Variants in PHACTR1 observed in about 807,000 individuals in gnomAD.
PHACTR1 encodes the protein RPEL repeat containing 1.
In PHACTR1, 16 loss-of-function variants were observed where a neutral mutation model predicts 69.2. The observed-to-expected ratio is 0.23, with a 90% CI of 0.16 to 0.35. The LOEUF is 0.35. PHACTR1 is among the 10% of genes least tolerant of loss of function. PHACTR1 has a pLI of 1.00. For synonymous variants in PHACTR1, 312 were observed against 284.5 expected, an observed-to-expected ratio of 1.10 and a Z score of -0.97; for missense variants, 510 against 734.7, an observed-to-expected ratio of 0.69 and a Z score of 3.54.
Position 12,798,068 on chromosome 6 carries a change from A to ACACACACACACACC in PHACTR1, c.250+48279_250+48280insACACACACACACCC, listed in dbSNP as rs758442149. Among the ~76,000 whole-genome samples, 438 of 149,994 alleles carry ACACACACACACACC rather than the reference A, an allele frequency of 2.9e-3. 4 individuals carry two copies. Among genetic ancestry groups the ACACACACACACACC allele is most frequent in the South Asian group, 4.5e-3 (21 of 4,670 alleles). The stretch of plus-strand genomic sequence containing the variant: ...CACACACACACACACACACACACAC[A>ACACACACACACACC]CCCCTACATAAGCTCTATAAGGGGA... On this transcript the variant is annotated intron_variant, in intron 4 of 14. Transcript: ENST00000332995.
chr6:12,844,952 C>A (rs143028699), intron 4 of PHACTR1, among the ~76,000 whole-genome samples: 35 of 152,178 alleles, frequency 2.3e-4, no homozygotes, highest in African/African-American at 7.9e-4. Context: ...AACATAAATG[C>A]TTGAGCAGCA....
chr6:12,791,526 C>T (rs748535715), intron 4 of PHACTR1, among the ~76,000 whole-genome samples: 15 of 152,196 alleles, frequency 9.9e-5, no homozygotes, highest in Non-Finnish European at 2.1e-4. Flanking sequence ...GATGCACACT[C>T]ACTAACCCTA....
chr6:12,871,940 G>A (rs1782069877), intron 4 of PHACTR1, among the ~76,000 whole-genome samples: 1 of 139,452 alleles, frequency 7.2e-6, no homozygotes, highest in South Asian at 2.8e-4. Flanking sequence ...TGAAAGAGAG[G>A]ACATGTGATG....
At chr6:13,247,299 T>G (rs1773698109) in intron 10 of PHACTR1, among the ~76,000 whole-genome samples, 2 of 151,576 alleles carry the variant, frequency 1.3e-5, no homozygotes, top group African/African-American at 4.9e-5. Flanking sequence ...TTTGCTAATC[T>G]TCACATTGTA....
At chr6:13,055,912 A>G (rs1806709646) in intron 5 of PHACTR1, among the ~76,000 whole-genome samples, 1 of 152,272 alleles carries the variant, frequency 6.6e-6, no homozygotes, top group Non-Finnish European at 1.5e-5. Flanking sequence ...CATTCTTGTC[A>G]TTAATGATCA....
chr6:13,219,671 C>A (rs372915133), intron 8 of PHACTR1, among the ~76,000 whole-genome samples: 2 of 152,310 alleles, frequency 1.3e-5, no homozygotes, highest in East Asian at 3.9e-4. Flanking sequence ...AGAATTCAAA[C>A]CCCCTCCCTG....
chr6:12,836,307 A>T (rs1778154326), intron 4 of PHACTR1, among the ~76,000 whole-genome samples: 1 of 152,278 alleles, frequency 6.6e-6, no homozygotes, highest in South Asian at 2.1e-4. Context: ...CAAATGATGG[A>T]ATAAGATTTT....
chr6:12,889,771 T>C (rs918312115), intron 4 of PHACTR1, among the ~76,000 whole-genome samples: 3 of 150,852 alleles, frequency 2.0e-5, no homozygotes, highest in African/African-American at 7.3e-5. Context: ...TTCCTCTTCT[T>C]CTCCTCCTCC....
At chr6:13,137,558 T>C (rs1037536872) in intron 5 of PHACTR1, among the ~76,000 whole-genome samples, 1 of 152,244 alleles carries the variant, frequency 6.6e-6, no homozygotes. Context: ...CTCTGTTATC[T>C]AAAATAAAGA....
At position 12,845,432 on chromosome 6, in the gene PHACTR1, C is replaced by CCA. The variant is rs1191940829; in HGVS notation, c.250+95643_250+95644insAC. Among the ~76,000 whole-genome samples the CCA allele has an allele frequency of 1.2e-3, 57 of 48,434 alleles. 1 individual carries two copies. The highest frequency in any genetic ancestry group is 3.3e-3 in the African/African-American group (49 of 14,902). The allele number at this position is 48,434 out of a possible 152,430, so 31.8% of individuals were successfully genotyped here. Reference sequence around the variant, plus strand: ...GATGTCATTGTGAACACCACCCACCCCCCCCCCCCCCGCCCTCCGTGCTGG... The same window carrying CCA: ...GATGTCATTGTGAACACCACCCACCCCACCCCCCCCCCCGCCCTCCGTGCTGG... On this transcript the variant is annotated intron_variant, in intron 4 of 14. Transcript: ENST00000332995.
At chr6:12,833,170 G>A (rs1353850728) in intron 4 of PHACTR1, among the ~76,000 whole-genome samples, 1 of 151,922 alleles carries the variant, frequency 6.6e-6, no homozygotes, top group African/African-American at 2.4e-5. Flanking sequence ...TGCTACTTGG[G>A]TTTTGGCTTC....
intron 4 of PHACTR1, among the ~76,000 whole-genome samples, chr6:12,785,481 T>C (rs1049922051): frequency 2.6e-5 from 4 of 152,176 alleles, no homozygotes; most frequent in African/African-American, 7.2e-5. Context: ...CATACTGAAG[T>C]AGTGCAAAGG....
rs1178392215 is a variant in PHACTR1, at chr6:13,227,429, T to C, written c.987-387T>C. Among the ~76,000 whole-genome samples, 6 of 152,186 alleles carry C rather than the reference T, an allele frequency of 3.9e-5. No homozygotes were observed. The South Asian group carries it at 1.0e-3, about 26-fold the overall frequency. On this transcript the variant is annotated intron_variant, in intron 8 of 14. Coordinates refer to ENST00000332995, the MANE Select transcript of PHACTR1 (RefSeq NM_030948.6). ...TTTAATTTTTTTTAATTATGGTAAA[T>C]ACAGATAACATAAAATTTGCCATCT... is the stretch of plus-strand genomic sequence containing the variant.
chr6:13,004,167 CTATTTT>C (rs927937312), intron 4 of PHACTR1, among the ~76,000 whole-genome samples: 5 of 151,362 alleles, frequency 3.3e-5, no homozygotes, highest in Non-Finnish European at 5.9e-5. Context: ...AATGGTAGAT[CTATTTT>C]TAGTTCCTTA....
intron 9 of PHACTR1, among the ~76,000 whole-genome samples, chr6:13,229,799 T>C (rs1418387869): frequency 6.6e-6 from 1 of 152,204 alleles, no homozygotes; most frequent in African/African-American, 2.4e-5. Context: ...TGCTAGACAT[T>C]CCTGGAGAGC....
intron 4 of PHACTR1, among the ~76,000 whole-genome samples, chr6:12,883,770 C>T (rs188551390): frequency 1.3e-3 from 195 of 152,234 alleles, no homozygotes; most frequent in African/African-American, 4.3e-3. Context: ...GCTCACATCC[C>T]GTTCTTTATC....
chr6:13,155,704 A>G (rs1033359032), intron 5 of PHACTR1, among the ~76,000 whole-genome samples: 16 of 152,180 alleles, frequency 1.1e-4, no homozygotes, highest in African/African-American at 3.9e-4. Flanking sequence ...CCTGGCCAAC[A>G]TGGTGAAACC....
intron 4 of PHACTR1, among the ~76,000 whole-genome samples, chr6:12,882,870 T>C (rs1783237462): frequency 6.6e-6 from 1 of 151,942 alleles, no homozygotes; most frequent in Non-Finnish European, 1.5e-5. Context: ...GTAGTAATGC[T>C]TGAAAGTGAT....
intron 4 of PHACTR1, among the ~76,000 whole-genome samples, chr6:12,986,560 C>T (rs950729264): frequency 2.0e-5 from 3 of 152,154 alleles, no homozygotes; most frequent in African/African-American, 7.2e-5. Flanking sequence ...CAGTTCTATG[C>T]TAGGCAGCAT....
Sources: gnomAD v4.1 joint callset for allele counts (sites outside exome capture counted in the v4.1 genomes callset) on GRCh38, gnomAD v4.1.1 for gene constraint, MANE v1.5 for transcripts, NCBI Gene and HGNC (gene_info 2026-07-23, HGNC 2026-07-21) for gene names.